The following SUPT5H variants were observed in gnomAD, a reference collection of about 807,000 sequenced individuals.
The protein encoded by SUPT5H is transcription elongation factor SPT5.
In SUPT5H, 24 loss-of-function variants were observed where a neutral mutation model predicts 142.5. The observed-to-expected ratio is 0.17, with a 90% confidence interval of 0.12 to 0.24. SUPT5H has a LOEUF of 0.24. SUPT5H is among the 10% of genes least tolerant of loss of function. The probability of loss-of-function intolerance (pLI) is 1.00; values close to 1 mark genes in which losing one functional copy is unlikely to be tolerated. For synonymous variants in SUPT5H, 546 were observed against 553.0 expected (o/e 0.99, Z 0.18); for missense variants, 893 against 1,471.8 (o/e 0.61, Z 6.43).
At position 39,468,872 on chromosome 19, in the gene SUPT5H, C is replaced by T. The variant is rs1223524923; in HGVS notation, c.1143+11C>T. 1.2e-6 allele frequency: 2 copies of T among 1,613,632 alleles called. No individual in the cohort carries two copies. Among genetic ancestry groups the T allele is most frequent in the Non-Finnish European group, 1.7e-6 (2 of 1,179,616 alleles). On this transcript the variant is annotated intron_variant, in intron 14 of 29. Transcript: ENST00000432763. The stretch of plus-strand genomic sequence containing the variant: ...GCCATGTCTGCTGTGGTGAGGGTCC[C>T]AGAGGGGTGTTGGTAATGGGGGTGG...
In SUPT5H at chr19:39,466,545, T is replaced by C. The variant is rs781378990; in HGVS notation, c.942T>C (p.Asp314=). 6.8e-6 allele frequency: 11 copies of C among 1,614,138 alleles called. No homozygotes were observed. Residue 314 remains aspartate, a synonymous_variant, in exon 12 of 30, where the codon GAT becomes GAC. Transcript: ENST00000432763. This position sits in a 1 kb window ranked among gnomAD's most constrained non-coding sequence, Gnocchi z 4.3. The part of the protein sequence containing the change: ...SLKMIPRIDY[D]RIKARMSLKD... ...AGATGATCCCACGCATCGACTACGATCGCATCAAGGCCCGCATGAGCTTGG... is the reference window on the plus strand; with the variant it reads ...AGATGATCCCACGCATCGACTACGACCGCATCAAGGCCCGCATGAGCTTGG...
intron 2 of SUPT5H, among the ~76,000 whole-genome samples, chr19:39,448,819 G>T (rs1164212883): frequency 6.6e-6 from 1 of 152,026 alleles, no homozygotes; most frequent in Non-Finnish European, 1.5e-5. Context: ...GTTCTGGCTG[G>T]GTGTGGTGGC....
Position 39,461,395 on chromosome 19 carries a change from G to A in SUPT5H, c.624+1435G>A, listed in dbSNP as rs577678146. Among the ~76,000 whole-genome samples the A allele has an allele frequency of 7.2e-5, 11 of 152,150 alleles. No homozygotes were observed. The South Asian group carries it at 1.9e-3, about 26-fold the overall frequency. ...GTGGGGTATGATTCCCCAACAGGGA[G>A]GTTGAAAAGGTACCTTTTGGCTAGG... On this transcript the variant is annotated intron_variant, in intron 10 of 29. Transcript: ENST00000432763.
chr19:39,465,087 C>T, intron 11 of SUPT5H, 38 bp downstream of exon 11: 1 of 1,584,822 alleles, frequency 6.3e-7, no homozygotes. Flanking sequence ...CAGGGTCCCT[C>T]CATTCTGTTC....
intron 10 of SUPT5H, among the ~76,000 whole-genome samples, chr19:39,461,717 G>A (rs913373157): frequency 8.6e-5 from 13 of 151,508 alleles, no homozygotes; most frequent in African/African-American, 2.4e-4. Flanking sequence ...CCAGCTACTT[G>A]GGAGGCTGAG....
At chr19:39,464,438 C>T (rs997452404) in intron 10 of SUPT5H, among the ~76,000 whole-genome samples, 8 of 152,158 alleles carry the variant, frequency 5.3e-5, no homozygotes, top group Non-Finnish European at 1.0e-4. Context: ...CAGCTCACTG[C>T]AGCCTCAACC....
chr19:39,459,323 G>T (rs2079131391), intron 8 of SUPT5H, 74 bp downstream of exon 8: 2 of 1,522,970 alleles, frequency 1.3e-6, no homozygotes, highest in Non-Finnish European at 8.9e-7. Context: ...TAGACAGGTG[G>T]CTCCCTGAAA....
chr19:39,473,109 C>G lies in SUPT5H; in HGVS notation c.2253C>G (p.Thr751=). The G allele has an allele frequency of 6.2e-7, 1 of 1,613,362 alleles. No homozygotes were observed. The highest frequency in any genetic ancestry group is 8.5e-7 in the Non-Finnish European group (1 of 1,179,884). ...QTISVDRQRL[T]TVGSRRPGGM... ...TCTCTGTGGACCGTCAGCGGCTCAC[C>G]ACGGTGTACGGGCGGGGCCTGGGGA... The change falls in exon 23 of 30, where the codon ACC becomes ACG. Residue 751 remains threonine, a synonymous_variant. Coordinates refer to ENST00000432763, the MANE Select transcript of SUPT5H (RefSeq NM_001111020.3). The surrounding 1 kb of genome is among the most constrained non-coding windows in gnomAD (Gnocchi z 5.8).
rs2079161000 is a variant in SUPT5H, at chr19:39,461,530, AAAT to A, written c.624+1578_624+1580del. Among the ~76,000 whole-genome samples the A allele has an allele frequency of 2.6e-5, 4 of 152,000 alleles. No homozygotes were observed. The South Asian group carries it at 8.3e-4, about 32-fold the overall frequency. On this transcript the variant is annotated intron_variant, in intron 10 of 29. Transcript: ENST00000432763. ...TAGTGACAACTGATTTCTACAAAGA[AAAT>A]AATAATAGGCCGGGCGCGGTGGCTC...
Position 39,469,679 on chromosome 19 carries a change from T to C in SUPT5H, c.1374+281T>C. 1.0e-4 allele frequency: 49 copies of C among 483,684 alleles called. No individual in the cohort carries two copies. The highest frequency in any genetic ancestry group is 2.4e-4 in the East Asian group (6 of 25,170). The allele number at this position is 483,684 out of a possible 1,614,324, so 30.0% of individuals were successfully genotyped here. A position where few individuals can be genotyped will look rare whatever the true frequency, so the allele number is the denominator to read the frequency against. Reference sequence around the variant, plus strand: ...GGTAGTACTGGGTTGAGAGTGTGATTAACCAAGGAGTAATCTGAGGCTTGA... The same window carrying C: ...GGTAGTACTGGGTTGAGAGTGTGATCAACCAAGGAGTAATCTGAGGCTTGA... On this transcript the variant is annotated intron_variant, in intron 16 of 29. Coordinates refer to ENST00000432763, the MANE Select transcript of SUPT5H (RefSeq NM_001111020.3). This position sits in a 1 kb window ranked among gnomAD's most constrained non-coding sequence, Gnocchi z 5.1.
chr19:39,465,290 G>A (rs1422020326), intron 11 of SUPT5H, among the ~76,000 whole-genome samples: 2 of 152,236 alleles, frequency 1.3e-5, no homozygotes, highest in African/African-American at 4.8e-5. Context: ...AGCTCTTGGG[G>A]AGGAGTGTTG....
rs569363680 is a variant in SUPT5H, at chr19:39,458,034, C to A, written c.308-260C>A. 1.4e-6 allele frequency: 1 copy of A among 729,078 alleles called. No individual in the cohort carries two copies. Among genetic ancestry groups the A allele is most frequent in the Non-Finnish European group, 2.2e-6 (1 of 445,720 alleles). 45.2% of individuals were successfully genotyped at this position (729,078 alleles called of 1,614,324 possible). On this transcript the variant is annotated intron_variant, in intron 4 of 29. Transcript: ENST00000432763. The surrounding 1 kb of genome is among the most constrained non-coding windows in gnomAD (Gnocchi z 4.2). Reference sequence around the variant, plus strand: ...GGGCGAGCTCTGTCCCAAGATACCCCCCACTTCCTGGGCCAGTGCCCCCCT... The same window carrying A: ...GGGCGAGCTCTGTCCCAAGATACCCACCACTTCCTGGGCCAGTGCCCCCCT...
At position 39,459,967 on chromosome 19, in the gene SUPT5H, C is replaced by T. The variant is rs375170533; in HGVS notation, c.624+7C>T. 1.1e-4 allele frequency: 181 copies of T among 1,613,958 alleles called. 2 individuals carry two copies. The South Asian group carries it at 1.8e-3, about 16-fold the overall frequency. On this transcript the variant is annotated splice_region_variant and intron_variant, in intron 10 of 29. Transcript: ENST00000432763. Reference sequence around the variant, plus strand: ...CTACCAGTTCACAGACACGGTAAGTCGGGTAGACAGGCGGCTTGGTGGGGA... The same window carrying T: ...CTACCAGTTCACAGACACGGTAAGTTGGGTAGACAGGCGGCTTGGTGGGGA...
chr19:39,471,650 C>G lies in SUPT5H; in HGVS notation c.1870C>G (p.Leu624Val), dbSNP rs955955232. ...IRHLFRSFAFLHCKKLVENGG... is the reference protein window; with the variant it reads ...IRHLFRSFAFVHCKKLVENGG... ...CCATCTCTTCCGAAGCTTCGCCTTC[C>G]TACATTGCAAGAAACTGGTGGAGAA... Residue 624 changes from leucine (L) to valine (V), a missense_variant, in exon 20 of 30, where the codon CTA (leucine) becomes GTA (valine). This residue lies in a region of SUPT5H where 428 missense variants were observed against 763.5 expected (regional missense o/e 0.56). Coordinates refer to ENST00000432763, the MANE Select transcript of SUPT5H (RefSeq NM_001111020.3). 3.7e-6 allele frequency: 6 copies of G among 1,614,060 alleles called. No individual in the cohort carries two copies. Among genetic ancestry groups the G allele is most frequent in the Non-Finnish European group, 5.1e-6 (6 of 1,180,008 alleles).
At chr19:39,463,905 G>A (rs908940894) in intron 10 of SUPT5H, among the ~76,000 whole-genome samples, 34 of 151,370 alleles carry the variant, frequency 2.2e-4, no homozygotes, top group African/African-American at 8.0e-4. Context: ...AATGTTTTTT[G>A]TTGTCTCTGG....
In SUPT5H at chr19:39,473,218, G is replaced by A. The variant is rs761901423; in HGVS notation, c.2274G>A (p.Pro758=). The stretch of plus-strand genomic sequence containing the variant: ...GCGTCCCCAGGGGCTCACGGCGCCC[G>A]GGCGGCATGACCTCGACCTATGGGA... ...QRLTTVGSRR[P]GGMTSTYGRT... The change falls in exon 24 of 30, where the codon CCG becomes CCA. Residue 758 remains proline, a synonymous_variant. Transcript: ENST00000432763. This position sits in a 1 kb window ranked among gnomAD's most constrained non-coding sequence, Gnocchi z 5.8. 24 of 1,612,670 alleles carry A rather than the reference G, an allele frequency of 1.5e-5. No individual in the cohort carries two copies. Among genetic ancestry groups the A allele is most frequent in the Middle Eastern group, 1.6e-4 (1 of 6,084 alleles).
intron 3 of SUPT5H, among the ~76,000 whole-genome samples, chr19:39,455,502 C>T (rs963012617): frequency 2.7e-5 from 4 of 149,338 alleles, no homozygotes; most frequent in Non-Finnish European, 5.9e-5. Context: ...GTGGAGGTTG[C>T]AGTGAGCCGA....
chr19:39,472,546 A>T lies in SUPT5H; in HGVS notation c.2035+53A>T, dbSNP rs2079336301. On this transcript the variant is annotated intron_variant, in intron 21 of 29. Transcript: ENST00000432763. The surrounding 1 kb of genome is among the most constrained non-coding windows in gnomAD (Gnocchi z 4.2). The stretch of plus-strand genomic sequence containing the variant: ...TGGTGGGTAGAAGGGGCTGGAAGGA[A>T]CTTGGTTGTTCAGCCTACACTCACT... 1.3e-6 allele frequency: 2 copies of T among 1,593,646 alleles called. No homozygotes were observed. The highest frequency in any genetic ancestry group is 1.7e-6 in the Non-Finnish European group (2 of 1,163,214).
chr19:39,446,228 GT>G lies in SUPT5H; in HGVS notation c.75+274del, dbSNP rs546121089. 2.4e-4 allele frequency among the ~76,000 whole-genome samples: 36 copies of G among 147,812 alleles called. 1 individual carries two copies. The highest frequency in any genetic ancestry group is 4.3e-4 in the South Asian group (2 of 4,662). Reference sequence around the variant, plus strand: ...TGCATATAGTAAGCACTTAGCATTAGTTTTTTTTTTTAGTTATGTCTAGTCA... The same window carrying G: ...TGCATATAGTAAGCACTTAGCATTAGTTTTTTTTTTAGTTATGTCTAGTCA... On this transcript the variant is annotated intron_variant, in intron 2 of 29. Coordinates refer to ENST00000432763, the MANE Select transcript of SUPT5H (RefSeq NM_001111020.3).
Sources: allele counts gnomAD v4.1 joint callset (sites outside exome capture counted in the v4.1 genomes callset), GRCh38; gene constraint gnomAD v4.1.1; regional missense constraint gnomAD v4.1.1; non-coding constraint Gnocchi (gnomAD v3.1); transcripts MANE v1.5; gene names NCBI Gene and HGNC (gene_info 2026-07-23, HGNC 2026-07-21).